Variants in CAMK2D observed in about 807,000 individuals in gnomAD.
CAMK2D encodes calcium/calmodulin dependent protein kinase II delta, also known as calcium/calmodulin-dependent protein kinase type II subunit delta.
CAMK2D carries 37 observed loss-of-function variants against 84.0 expected under a neutral mutation model. The observed-to-expected ratio is 0.44, with a 90% CI of 0.34 to 0.58. The LOEUF (loss-of-function observed/expected upper bound fraction) is 0.58. Ranked by LOEUF, CAMK2D falls within the 20% of genes least tolerant of loss-of-function variation. CAMK2D has a pLI of 0.02. For missense variants in CAMK2D, 448 were observed against 652.5 expected (o/e 0.69, Z 3.41); for synonymous variants, 202 against 212.5 (o/e 0.95, Z 0.43).
At position 113,709,695 on chromosome 4, in the gene CAMK2D, T is replaced by C. The variant is rs578095451; in HGVS notation, c.161-47923A>G. On this transcript the variant is annotated intron_variant, in intron 2 of 20. Coordinates refer to ENST00000511664, the MANE Select transcript of CAMK2D (RefSeq NM_001321571.2). ...AACAATATTCCAATCTGCTCTGCTTTCAAGGAGGCTTTCATATGTGGAGTA... is the reference window on the plus strand; with the variant it reads ...AACAATATTCCAATCTGCTCTGCTTCCAAGGAGGCTTTCATATGTGGAGTA... Among the ~76,000 whole-genome samples the C allele has an allele frequency of 3.6e-5, 5 of 138,346 alleles. No homozygotes were observed. In the East Asian group the frequency reaches 1.0e-3, roughly 29 times the overall value. 90.8% of individuals were successfully genotyped at this position (138,346 alleles called of 152,430 possible).
intron 2 of CAMK2D, among the ~76,000 whole-genome samples, chr4:113,717,588 G>A (rs1405863114): frequency 1.3e-5 from 2 of 151,988 alleles, no homozygotes. Context: ...TAAGGTAAAG[G>A]CAAATACCTT....
chr4:113,703,742 C>A (rs2099429982), intron 2 of CAMK2D, among the ~76,000 whole-genome samples: 1 of 152,010 alleles, frequency 6.6e-6, no homozygotes, highest in Non-Finnish European at 1.5e-5. Flanking sequence ...TACAAATACC[C>A]TCTGAATGAA....
chr4:113,700,241 T>C (rs995307704), intron 2 of CAMK2D, among the ~76,000 whole-genome samples: 2 of 152,330 alleles, frequency 1.3e-5, no homozygotes, highest in Non-Finnish European at 1.5e-5. Flanking sequence ...CTCATAATTG[T>C]ATATTGTCCA....
chr4:113,649,850 G>A (rs1019444561), intron 3 of CAMK2D, among the ~76,000 whole-genome samples: 3 of 152,192 alleles, frequency 2.0e-5, no homozygotes, highest in Non-Finnish European at 4.4e-5. Flanking sequence ...GGGAGGCCGA[G>A]GTGGGCAGAT....
Position 113,528,530 on chromosome 4 carries a change from G to C in CAMK2D, c.601+2686C>G, listed in dbSNP as rs886691811. ...ACAAAGGCAGAAGAGGCTGGAAAAG[G>C]CCTTTGATGAAGCAGGCAAAGAAAG... On this transcript the variant is annotated intron_variant, in intron 8 of 20. Coordinates refer to ENST00000511664, the MANE Select transcript of CAMK2D (RefSeq NM_001321571.2). Among the ~76,000 whole-genome samples, 3 of 152,068 alleles carry C rather than the reference G, an allele frequency of 2.0e-5. 1 individual carries two copies. Among genetic ancestry groups the C allele is most frequent in the African/African-American group, 7.2e-5 (3 of 41,404 alleles).
intron 2 of CAMK2D, among the ~76,000 whole-genome samples, chr4:113,701,293 CT>C (rs2099416792): frequency 6.6e-6 from 1 of 152,178 alleles, no homozygotes; most frequent in Non-Finnish European, 1.5e-5. Context: ...TTTTTTCCCT[CT>C]GTCTCTTTGT....
intron 3 of CAMK2D, among the ~76,000 whole-genome samples, chr4:113,643,280 T>G (rs1272007435): frequency 2.6e-5 from 4 of 152,166 alleles, no homozygotes; most frequent in Non-Finnish European, 4.4e-5. Context: ...TAAAAAAGTT[T>G]TTAAAAAAAG....
intron 8 of CAMK2D, among the ~76,000 whole-genome samples, chr4:113,524,822 A>C (rs888540898): frequency 6.6e-6 from 1 of 152,198 alleles, no homozygotes; most frequent in Non-Finnish European, 1.5e-5. Flanking sequence ...AAATGTAGAG[A>C]AATTTAAGAC....
chr4:113,495,597 C>T (rs1179660476), intron 16 of CAMK2D, among the ~76,000 whole-genome samples: 4 of 152,126 alleles, frequency 2.6e-5, no homozygotes, highest in African/African-American at 7.2e-5. Flanking sequence ...GCTGAGACCA[C>T]GATATCCAGG....
At chr4:113,672,374 T>C (rs1003426064) in intron 2 of CAMK2D, among the ~76,000 whole-genome samples, 25 of 152,188 alleles carry the variant, frequency 1.6e-4, no homozygotes, top group African/African-American at 5.3e-4. Flanking sequence ...ATTAAGATAC[T>C]GTAAGTTTGA....
At chr4:113,601,800 AT>A (rs34077736) in intron 4 of CAMK2D, among the ~76,000 whole-genome samples, 6,106 of 142,042 alleles carry the variant, frequency 0.043, 414 homozygotes, top group African/African-American at 0.15. Flanking sequence ...GGCTCAAGTG[AT>A]TTTCCGCCTC....
intron 4 of CAMK2D, among the ~76,000 whole-genome samples, chr4:113,591,123 C>T (rs1182472842): frequency 2.0e-5 from 3 of 151,876 alleles, no homozygotes; most frequent in Non-Finnish European, 4.4e-5. Context: ...CTTCCTGGGA[C>T]CTATTGCCAT....
intron 3 of CAMK2D, among the ~76,000 whole-genome samples, chr4:113,618,203 C>T (rs1004236620): frequency 6.6e-6 from 1 of 152,196 alleles, no homozygotes; most frequent in South Asian, 2.1e-4. Context: ...CTCTTCAACA[C>T]TCTCGAGTTA....
intron 2 of CAMK2D, among the ~76,000 whole-genome samples, chr4:113,733,032 C>A (rs1444208282): frequency 1.3e-5 from 2 of 152,054 alleles, no homozygotes; most frequent in Non-Finnish European, 2.9e-5. Flanking sequence ...TTGCATAGGA[C>A]AGCTTTAACA....
intron 3 of CAMK2D, among the ~76,000 whole-genome samples, chr4:113,647,284 G>A (rs74611648): frequency 0.027 from 4,185 of 152,216 alleles, 192 homozygotes; most frequent in African/African-American, 0.09. Context: ...TCTGCTTACC[G>A]TACAATTTCT....
chr4:113,737,286 A>G (rs572778425), intron 2 of CAMK2D, among the ~76,000 whole-genome samples: 25 of 152,332 alleles, frequency 1.6e-4, no homozygotes, highest in Non-Finnish European at 3.2e-4. Flanking sequence ...TTGTATATAC[A>G]TAAAATGAAC....
intron 2 of CAMK2D, among the ~76,000 whole-genome samples, chr4:113,690,033 G>A (rs2099381965): frequency 6.6e-6 from 1 of 152,058 alleles, no homozygotes; most frequent in Non-Finnish European, 1.5e-5. Flanking sequence ...ACCATGGTGG[G>A]CGAATAGGTG....
At chr4:113,500,635 A>G in intron 15 of CAMK2D, 124 bp from the exon 16 acceptor site, 1 of 547,456 alleles carries the variant, frequency 1.8e-6, no homozygotes, top group Middle Eastern at 2.8e-4. Context: ...ATATGCTGAC[A>G]TGCAAATGGA....
chr4:113,593,393 C>T lies in CAMK2D; in HGVS notation c.275+15759G>A, dbSNP rs140270282. On this transcript the variant is annotated intron_variant, in intron 4 of 20. Transcript: ENST00000511664. ...CACAATTTATCAGAGCAGAAATCCACGAGCAGAAACCTCCTCTGAACCATC... is the reference window on the plus strand; with the variant it reads ...CACAATTTATCAGAGCAGAAATCCATGAGCAGAAACCTCCTCTGAACCATC... Among the ~76,000 whole-genome samples, 992 of 152,238 alleles carry T rather than the reference C, an allele frequency of 6.5e-3. 3 individuals are homozygous for T. The highest frequency in any genetic ancestry group is 0.011 in the Non-Finnish European group (759 of 68,018).
Sources: allele counts gnomAD v4.1 joint callset (sites outside exome capture counted in the v4.1 genomes callset), GRCh38; gene constraint gnomAD v4.1.1; transcripts MANE v1.5; gene names NCBI Gene and HGNC (gene_info 2026-07-23, HGNC 2026-07-21).